Variants in SYNE1 observed in about 807,000 individuals in gnomAD.
The protein encoded by SYNE1 is spectrin repeat containing nuclear envelope protein 1, also known as nesprin-1.
A neutral mutation model predicts 1,111.0 loss-of-function variants in SYNE1; 616 were observed. The ratio of observed to expected loss-of-function variants is 0.55; its 90% confidence interval spans 0.52 to 0.59. The LOEUF (loss-of-function observed/expected upper bound fraction) is 0.59. Among genes scored for constraint, SYNE1 ranks in the 20% least tolerant of loss-of-function variants. The pLI, the probability that SYNE1 is intolerant of heterozygous loss-of-function variation, is 0.00. For missense variants in SYNE1, 10,006 were observed against 10,417.0 expected, an observed-to-expected ratio of 0.96 and a Z score of 1.72; for synonymous variants, 3,855 against 3,825.8, an observed-to-expected ratio of 1.01 and a Z score of -0.28.
intron 59 of SYNE1, among the ~76,000 whole-genome samples, chr6:152,370,110 G>A (rs1021591202): frequency 1.3e-5 from 2 of 151,096 alleles, no homozygotes; most frequent in East Asian, 3.9e-4. Context: ...ACTTTTTAGG[G>A]TTCTCCTTTT....
intron 61 of SYNE1, 36 bp downstream of exon 61, chr6:152,368,936 G>A (rs2097131462): frequency 1.2e-6 from 2 of 1,613,798 alleles, no homozygotes; most frequent in Non-Finnish European, 8.5e-7. Context: ...TGCGACATCA[G>A]TATCACACTC....
At chr6:152,553,062 T>C (rs1364954108) in intron 3 of SYNE1, among the ~76,000 whole-genome samples, 4 of 152,340 alleles carry the variant, frequency 2.6e-5, no homozygotes, top group Middle Eastern at 3.4e-3. Context: ...AGGCATATGT[T>C]GCATATATTT....
chr6:152,242,560 G>T, intron 106 of SYNE1, 120 bp from the exon 107 acceptor site: 2 of 1,047,338 alleles, frequency 1.9e-6, no homozygotes, highest in East Asian at 2.5e-5. Context: ...TCAGGGATGT[G>T]CCTCCTGGAA....
At chr6:152,177,940 C>T (rs1248576772) in intron 129 of SYNE1, among the ~76,000 whole-genome samples, 1 of 151,198 alleles carries the variant, frequency 6.6e-6, no homozygotes, top group Admixed American at 6.6e-5. Flanking sequence ...TAGCACTTCC[C>T]AGTTGACAAC....
rs781304758 is a variant in SYNE1 at position 152,413,389 on chromosome 6, C to G, written c.6193G>C (p.Val2065Leu). The G allele has an allele frequency of 4.3e-6, 7 of 1,613,984 alleles. No individual in the cohort carries two copies. Among genetic ancestry groups the G allele is most frequent in the Middle Eastern group, 1.6e-4 (1 of 6,084 alleles). The change falls in exon 42 of 146, where the codon GTC (valine) becomes CTC (leucine). Residue 2065 changes from valine to leucine, a missense_variant. Around this residue, in one of 7 missense-constraint regions of SYNE1, gnomAD observed 4,955 missense variants for 5,017.2 expected, o/e 0.99. Coordinates refer to ENST00000367255, the MANE Select transcript of SYNE1 (RefSeq NM_182961.4). ...AGTCTTTTGGTATCATCCCAGGTGA[C>G]CTCTAAGCGGTTTATCTCCCTGTCA... ...EVDREINRLE[V>L]TWDDTKRLIH...
chr6:152,631,047 T>A (rs1367888166), intron 2 of SYNE1, among the ~76,000 whole-genome samples: 1 of 152,184 alleles, frequency 6.6e-6, no homozygotes, highest in African/African-American at 2.4e-5. Flanking sequence ...ACAGAGACTA[T>A]TTTTGAAGAG....
chr6:152,276,822 C>T (rs1051440013), intron 98 of SYNE1, among the ~76,000 whole-genome samples: 1 of 150,234 alleles, frequency 6.7e-6, no homozygotes, highest in African/African-American at 2.4e-5. Flanking sequence ...GGCTTCTAAA[C>T]TATTTGGTCC....
At chr6:152,316,577 C>T in intron 87 of SYNE1, 1 of 443,900 alleles carries the variant, frequency 2.3e-6, no homozygotes. Context: ...AAAGAAGCTA[C>T]AGAAAATGAG....
At chr6:152,409,384 T>C in intron 43 of SYNE1, 158 bp from the exon 44 acceptor site, 9 of 1,103,182 alleles carry the variant, frequency 8.2e-6, no homozygotes, top group Non-Finnish European at 1.2e-5. Flanking sequence ...CACCATTTTC[T>C]TGAATTGCTA....
At chr6:152,270,826 A>G (rs1189551964) in intron 98 of SYNE1, among the ~76,000 whole-genome samples, 1 of 152,198 alleles carries the variant, frequency 6.6e-6, no homozygotes, top group Non-Finnish European at 1.5e-5. Flanking sequence ...CATCTTTAGA[A>G]GAGACAATTG....
At chr6:152,233,583 C>A (rs1474768648) in intron 112 of SYNE1, among the ~76,000 whole-genome samples, 198 bp downstream of exon 112, 1 of 152,158 alleles carries the variant, frequency 6.6e-6, no homozygotes, top group Non-Finnish European at 1.5e-5. Context: ...CCTCAGCCTC[C>A]CTAAGTGCTA....
In SYNE1 at chr6:152,425,603, C is replaced by T. The variant is rs2098339761; in HGVS notation, c.5101-56G>A. Reference sequence around the variant, plus strand: ...CCTAACAGGACTGAAAAGTAAGGACCATGCGGCACAGGCGGCTGTTGTCCA... The same window carrying T: ...CCTAACAGGACTGAAAAGTAAGGACTATGCGGCACAGGCGGCTGTTGTCCA... On this transcript the variant is annotated intron_variant, in intron 38 of 145. Transcript: ENST00000367255. 4.4e-6 allele frequency: 7 copies of T among 1,601,962 alleles called. No individual in the cohort carries two copies. The Admixed American group carries it at 1.2e-4, about 27-fold the overall frequency.
chr6:152,519,923 C>T (rs937256488), intron 6 of SYNE1, among the ~76,000 whole-genome samples: 5 of 152,082 alleles, frequency 3.3e-5, no homozygotes, highest in African/African-American at 1.2e-4. Context: ...TTTCTTGGGA[C>T]TTTTTCCAAA....
chr6:152,286,212 T>C (rs989560718), intron 95 of SYNE1, among the ~76,000 whole-genome samples: 22 of 152,220 alleles, frequency 1.4e-4, no homozygotes, highest in Non-Finnish European at 5.9e-5. Flanking sequence ...ACCAACTATA[T>C]ATATCCATGC....
At chr6:152,449,102 C>G (rs556279622) in intron 28 of SYNE1, among the ~76,000 whole-genome samples, 2 of 152,290 alleles carry the variant, frequency 1.3e-5, no homozygotes, top group Non-Finnish European at 1.5e-5. Flanking sequence ...TGAAATGAAC[C>G]AATCCAGCTT....
chr6:152,416,893 GTCC>G lies in SYNE1; in HGVS notation c.5541_5543del (p.Glu1847del), dbSNP rs1202024625. ...TGGCCTCCTCAAACAGCTGGAAGCA[GTCC>G]TCAGCCTTTCCCTGCAGGAGGTGGA... On this transcript the variant is annotated inframe_deletion, in exon 41 of 146. Transcript: ENST00000367255. The G allele has an allele frequency of 1.4e-5, 23 of 1,614,042 alleles. No individual in the cohort carries two copies. The highest frequency in any genetic ancestry group is 1.9e-5 in the Non-Finnish European group (23 of 1,179,936).
chr6:152,486,448 AG>A (rs1354249231), intron 12 of SYNE1, among the ~76,000 whole-genome samples: 1 of 152,232 alleles, frequency 6.6e-6, no homozygotes. Context: ...TCGGGCTGAA[AG>A]GAGGATTTCT....
chr6:152,409,444 G>T, intron 43 of SYNE1, 115 bp downstream of exon 43: 2 of 1,410,752 alleles, frequency 1.4e-6, no homozygotes, highest in Non-Finnish European at 9.7e-7. Flanking sequence ...GAGCTCATTA[G>T]CATGAATTAC....
chr6:152,207,707 AT>A lies in SYNE1; in HGVS notation c.22824+264del, dbSNP rs2076775074. On this transcript the variant is annotated intron_variant, in intron 125 of 145. Coordinates refer to ENST00000367255, the MANE Select transcript of SYNE1 (RefSeq NM_182961.4). ...TTTCTTCCCTTGCCATTACCTTTTC[AT>A]CCCTGCTGGGATTTAGTGAGCTGCG... Among the ~76,000 whole-genome samples, 4 of 152,318 alleles carry A rather than the reference AT, an allele frequency of 2.6e-5. No homozygotes were observed. The South Asian group carries it at 8.3e-4, about 32-fold the overall frequency.
Sources: allele counts gnomAD v4.1 joint callset (sites outside exome capture counted in the v4.1 genomes callset), GRCh38; gene constraint gnomAD v4.1.1; regional missense constraint gnomAD v4.1.1; transcripts MANE v1.5; gene names NCBI Gene and HGNC (gene_info 2026-07-23, HGNC 2026-07-21).